Variants in DHRS3 observed in about 807,000 individuals in gnomAD.
The protein encoded by DHRS3 is dehydrogenase/reductase 3.
A neutral mutation model predicts 27.2 loss-of-function variants in DHRS3; 14 were observed. That is an observed-to-expected ratio of 0.52 (90% CI 0.34 to 0.81). The LOEUF (loss-of-function observed/expected upper bound fraction) is 0.81. Ranked by LOEUF, DHRS3 falls within the 30% of genes least tolerant of loss-of-function variation. The pLI is 0.01. For missense variants in DHRS3, 322 were observed against 406.2 expected (o/e 0.79, Z 1.78); for synonymous variants, 165 against 175.9 (o/e 0.94, Z 0.49).
chr1:12,587,499 G>A (rs923374377), intron 1 of DHRS3, among the ~76,000 whole-genome samples: 1 of 152,040 alleles, frequency 6.6e-6, no homozygotes, highest in African/African-American at 2.4e-5. Flanking sequence ...GCTGACTGTC[G>A]TTTGCTTCTT....
intron 5 of DHRS3, among the ~76,000 whole-genome samples, chr1:12,570,934 G>C (rs1160872425): frequency 3.3e-5 from 5 of 152,230 alleles, no homozygotes; most frequent in African/African-American, 1.2e-4. Flanking sequence ...CGAGGTTTCT[G>C]TGCCCTGCAT....
chr1:12,569,231 T>TCTCTCA (rs1557509331), intron 5 of DHRS3, among the ~76,000 whole-genome samples: 8 of 110,584 alleles, frequency 7.2e-5, no homozygotes, highest in Non-Finnish European at 1.2e-4. Context: ...TCTCTCTCTC[T>TCTCTCA]CACACACACA....
chr1:12,597,643 C>A (rs948156606), intron 1 of DHRS3, among the ~76,000 whole-genome samples: 3 of 152,198 alleles, frequency 2.0e-5, no homozygotes, highest in African/African-American at 7.2e-5. Context: ...CCAGGCCTGG[C>A]TTGGTAATTG....
At chr1:12,611,834 G>A (rs1249709379) in intron 1 of DHRS3, among the ~76,000 whole-genome samples, 3 of 152,012 alleles carry the variant, frequency 2.0e-5, no homozygotes, top group African/African-American at 4.8e-5. Context: ...GCTCATACCT[G>A]TAATCCCAGC....
rs76421079 is a variant in DHRS3 at position 12,593,221 on chromosome 1, C to T, written c.196-12555G>A. Among the ~76,000 whole-genome samples, 60 of 152,296 alleles carry T rather than the reference C, an allele frequency of 3.9e-4. No homozygotes were observed. Among genetic ancestry groups the T allele is most frequent in the Middle Eastern group, 3.4e-3 (1 of 294 alleles). ...GCCCTTCCTGGTCTGCCCCATCCCT[C>T]GTCTCAGCTACTCCCTCCTAGGTCT... On this transcript the variant is annotated intron_variant, in intron 1 of 5. Coordinates refer to ENST00000616661, the MANE Select transcript of DHRS3 (RefSeq NM_004753.7). This position sits in a 1 kb window ranked among gnomAD's most constrained non-coding sequence, Gnocchi z 4.6.
intron 1 of DHRS3, among the ~76,000 whole-genome samples, chr1:12,583,346 TCCATCCAC>T: frequency 7.3e-6 from 1 of 137,718 alleles, no homozygotes; most frequent in Non-Finnish European, 1.6e-5. Flanking sequence ...CATCCATCCA[TCCATCCAC>T]CCACCCATCC....
In DHRS3 at chr1:12,592,111, A is replaced by G. The variant is rs1162956493; in HGVS notation, c.196-11445T>C. Among the ~76,000 whole-genome samples, 1 of 152,120 alleles carries G rather than the reference A, an allele frequency of 6.6e-6. No homozygotes were observed. Among genetic ancestry groups the G allele is most frequent in the Non-Finnish European group, 1.5e-5 (1 of 68,014 alleles). On this transcript the variant is annotated intron_variant, in intron 1 of 5. Coordinates refer to ENST00000616661, the MANE Select transcript of DHRS3 (RefSeq NM_004753.7). The surrounding 1 kb of genome is among the most constrained non-coding windows in gnomAD (Gnocchi z 4.2). Reference sequence around the variant, plus strand: ...TTTGCCTGGAGCACCCTTGCTCTCCAAGTGGGCGGGGTGGGACTGTGACAA... The same window carrying G: ...TTTGCCTGGAGCACCCTTGCTCTCCGAGTGGGCGGGGTGGGACTGTGACAA...
chr1:12,612,410 G>T (rs745563402), intron 1 of DHRS3, among the ~76,000 whole-genome samples: 2 of 152,076 alleles, frequency 1.3e-5, no homozygotes, highest in African/African-American at 4.8e-5. Context: ...ATGTTTTCTT[G>T]CTTCCCTTTC....
intron 1 of DHRS3, among the ~76,000 whole-genome samples, chr1:12,607,720 C>T (rs1646880503): frequency 6.6e-6 from 1 of 152,212 alleles, no homozygotes; most frequent in Admixed American, 6.5e-5. Context: ...ACTGTATTGA[C>T]ATGGCTGAAC....
intron 1 of DHRS3, among the ~76,000 whole-genome samples, chr1:12,614,477 C>T (rs534347628): frequency 1.8e-4 from 27 of 151,758 alleles, no homozygotes; most frequent in Non-Finnish European, 2.5e-4. Flanking sequence ...GAGATGTGTC[C>T]GGAGCTTTCA....
At chr1:12,603,873 T>A (rs1381992267) in intron 1 of DHRS3, among the ~76,000 whole-genome samples, 1 of 152,182 alleles carries the variant, frequency 6.6e-6, no homozygotes, top group Non-Finnish European at 1.5e-5. Context: ...ATCTGTACTC[T>A]CCACCCTGAG....
chr1:12,603,204 G>A lies in DHRS3; in HGVS notation c.195+13950C>T, dbSNP rs118123899. The stretch of plus-strand genomic sequence containing the variant: ...TCTCCTGAGGGGCAAAAGCCCAAGC[G>A]AACTAGAGGGCATTTGGTCCAGAAG... On this transcript the variant is annotated intron_variant, in intron 1 of 5. Transcript: ENST00000616661. 2.2e-3 allele frequency among the ~76,000 whole-genome samples: 333 copies of A among 152,270 alleles called. 4 individuals carry two copies. The East Asian group carries it at 0.042, about 19-fold the overall frequency.
intron 5 of DHRS3, among the ~76,000 whole-genome samples, chr1:12,571,863 T>C (rs527677687): frequency 6.6e-6 from 1 of 152,186 alleles, no homozygotes; most frequent in Admixed American, 6.5e-5. Flanking sequence ...ACTAAGATGT[T>C]ATTTGTCTTT....
Position 12,609,955 on chromosome 1 carries a change from G to A in DHRS3, c.195+7199C>T, listed in dbSNP as rs76670060. 7.2e-5 allele frequency among the ~76,000 whole-genome samples: 11 copies of A among 152,130 alleles called. No homozygotes were observed. The East Asian group carries it at 1.9e-3, about 27-fold the overall frequency. On this transcript the variant is annotated intron_variant, in intron 1 of 5. Coordinates refer to ENST00000616661, the MANE Select transcript of DHRS3 (RefSeq NM_004753.7). ...TCGCCTCCTTCAGGTCTTTCCTCGTGTCTCCTTCTCAGTGTGGCCTTCCTT... is the reference window on the plus strand; with the variant it reads ...TCGCCTCCTTCAGGTCTTTCCTCGTATCTCCTTCTCAGTGTGGCCTTCCTT...
intron 5 of DHRS3, among the ~76,000 whole-genome samples, chr1:12,570,333 G>A (rs1358503092): frequency 1.3e-5 from 2 of 152,252 alleles, no homozygotes; most frequent in Non-Finnish European, 1.5e-5. Flanking sequence ...CCTTCATGGC[G>A]GGTATTTCAT....
In DHRS3 at chr1:12,617,606, G is replaced by A. The variant is rs1165810664; in HGVS notation, c.-258C>T. On this transcript the variant is annotated 5_prime_UTR_variant, in exon 1 of 6. Coordinates refer to ENST00000616661, the MANE Select transcript of DHRS3 (RefSeq NM_004753.7). ...TTGGGACGGTAAAAGAGGTGGAGGGGGAAGCCGGAGGTGGAAAGTTCTAAC... is the reference window on the plus strand; with the variant it reads ...TTGGGACGGTAAAAGAGGTGGAGGGAGAAGCCGGAGGTGGAAAGTTCTAAC... 3.5e-5 allele frequency: 12 copies of A among 345,056 alleles called. No homozygotes were observed. The East Asian group carries it at 5.3e-4, about 15-fold the overall frequency. 21.4% of individuals were successfully genotyped at this position (345,056 alleles called of 1,614,324 possible).
At chr1:12,582,874 C>T (rs1557518237) in intron 1 of DHRS3, among the ~76,000 whole-genome samples, 1 of 141,858 alleles carries the variant, frequency 7.0e-6, no homozygotes, top group Non-Finnish European at 1.5e-5. Flanking sequence ...TCCATCCATC[C>T]CTCCCTCCCT....
intron 1 of DHRS3, among the ~76,000 whole-genome samples, chr1:12,589,952 T>A (rs1248011915): frequency 8.5e-5 from 13 of 152,252 alleles, no homozygotes. Flanking sequence ...AGACCCCATC[T>A]GGTCTCCACC....
At chr1:12,584,440 A>C (rs1257663424) in intron 1 of DHRS3, among the ~76,000 whole-genome samples, 1 of 150,686 alleles carries the variant, frequency 6.6e-6, no homozygotes, top group Non-Finnish European at 1.5e-5. Context: ...AACCGGCCTC[A>C]CCTCTCCCTG....
Sources: allele counts gnomAD v4.1 joint callset (sites outside exome capture counted in the v4.1 genomes callset), GRCh38; gene constraint gnomAD v4.1.1; non-coding constraint Gnocchi (gnomAD v3.1); transcripts MANE v1.5; gene names NCBI Gene and HGNC (gene_info 2026-07-23, HGNC 2026-07-21).